The following SERPINB8 variants were observed in gnomAD, a reference collection of about 807,000 sequenced individuals.
The protein encoded by SERPINB8 is serpin family B member 8, also known as serpin B8.
In SERPINB8, 25 loss-of-function variants were observed where a neutral mutation model predicts 35.3. The ratio of observed to expected loss-of-function variants is 0.71; its 90% CI spans 0.52 to 0.99. SERPINB8 has a LOEUF of 0.99. SERPINB8 is among the 50% of genes least tolerant of loss of function. The pLI, the probability that SERPINB8 is intolerant of heterozygous loss-of-function variation, is 0.00. For synonymous variants in SERPINB8, 186 were observed against 160.8 expected, an observed-to-expected ratio of 1.16 and a Z score of -1.19; for missense variants, 484 against 446.5, an observed-to-expected ratio of 1.08 and a Z score of -0.76.
At chr18:64,017,317 C>T (rs2050955181) in intron 7 of SERPINB8, among the ~76,000 whole-genome samples, 1 of 152,110 alleles carries the variant, frequency 6.6e-6, no homozygotes, top group Non-Finnish European at 1.5e-5. Context: ...AATTTTAAAA[C>T]TGCTTTAAAA....
downstream of SERPINB8, among the ~76,000 whole-genome samples, chr18:63,989,734 G>C (rs1364469301): frequency 4.6e-5 from 7 of 152,064 alleles, no homozygotes; most frequent in South Asian, 6.3e-4. Context: ...ACGAGGTAAG[G>C]AGATCGAGAC....
At chr18:63,980,510 A>G (rs1762793140) in intron 3 of SERPINB8, among the ~76,000 whole-genome samples, 1 of 151,228 alleles carries the variant, frequency 6.6e-6, no homozygotes, top group Non-Finnish European at 1.5e-5. Flanking sequence ...TCTTAAAATT[A>G]GTGAACTGAT....
chr18:64,015,247 A>T (rs1422627522), intron 7 of SERPINB8, among the ~76,000 whole-genome samples: 2 of 152,174 alleles, frequency 1.3e-5, no homozygotes, highest in African/African-American at 2.4e-5. Flanking sequence ...AGCCCTGACC[A>T]GGGCTGTCTC....
In SERPINB8 at chr18:63,970,130, A is replaced by AGCGGCGGCG. The variant is rs113130158; in HGVS notation, c.-39_-31dup. The AGCGGCGGCG allele has an allele frequency of 8.3e-4, 287 of 343,994 alleles. 7 individuals are homozygous for AGCGGCGGCG. The highest frequency in any genetic ancestry group is 2.8e-3 in the Middle Eastern group (5 of 1,780). The allele number at this position is 343,994 out of a possible 1,614,324, so 21.3% of individuals were successfully genotyped here. ...ACAAAGGAGGAATAGTCAAAGCAGCAGCGGCGGCGGCGGCGGCGGCAGCAG... is the reference window on the plus strand; with the variant it reads ...ACAAAGGAGGAATAGTCAAAGCAGCAGCGGCGGCGGCGGCGGCGGCGGCGGCGGCAGCAG... On this transcript the variant is annotated 5_prime_UTR_variant, in exon 1 of 7. Coordinates refer to ENST00000397985, the MANE Select transcript of SERPINB8 (RefSeq NM_002640.4).
At chr18:64,013,550 T>C (rs2050935702) in intron 7 of SERPINB8, among the ~76,000 whole-genome samples, 1 of 152,200 alleles carries the variant, frequency 6.6e-6, no homozygotes, top group Non-Finnish European at 1.5e-5. Flanking sequence ...ATTGTCTCCT[T>C]GTGCCATTTC....
intron 7 of SERPINB8, among the ~76,000 whole-genome samples, chr18:64,016,924 ATCT>A (rs1208120441): frequency 6.6e-6 from 1 of 152,170 alleles, no homozygotes; most frequent in Admixed American, 6.5e-5. Flanking sequence ...AGATTTGTAG[ATCT>A]TCTTCTGCCA....
intron 1 of SERPINB8, among the ~76,000 whole-genome samples, chr18:64,001,528 T>C (rs1290831217): frequency 6.6e-6 from 1 of 150,514 alleles, no homozygotes; most frequent in African/African-American, 2.5e-5. Flanking sequence ...TCTGCTCTTG[T>C]TGCCCAGGCT....
chr18:64,003,975 A>G (rs1297665877), intron 1 of SERPINB8, among the ~76,000 whole-genome samples: 2 of 152,182 alleles, frequency 1.3e-5, no homozygotes, highest in Non-Finnish European at 1.5e-5. Context: ...AGAATTAACC[A>G]TTGCACATTT....
chr18:64,008,261 G>A (rs1312624504), downstream of SERPINB8, among the ~76,000 whole-genome samples: 2 of 151,892 alleles, frequency 1.3e-5, no homozygotes, highest in Non-Finnish European at 2.9e-5. Flanking sequence ...TTATTTTTTT[G>A]ACACAGAGTC....
At chr18:64,017,053 G>A (rs528254254) in intron 7 of SERPINB8, among the ~76,000 whole-genome samples, 1 of 152,224 alleles carries the variant, frequency 6.6e-6, no homozygotes, top group Non-Finnish European at 1.5e-5. Context: ...TCTTCCCAAG[G>A]CCTAACTAGC....
chr18:63,988,639 G>A lies in SERPINB8; in HGVS notation c.*1361G>A, dbSNP rs1161148419. The A allele has an allele frequency of 6.6e-6, 1 of 152,144 alleles. No individual in the cohort carries two copies. The highest frequency in any genetic ancestry group is 1.5e-5 in the Non-Finnish European group (1 of 68,032). 9.4% of individuals were successfully genotyped at this position (152,144 alleles called of 1,614,324 possible). A position where few individuals can be genotyped will look rare whatever the true frequency, so the allele number is the denominator to read the frequency against. ...GCCTGCTTTATTATTTCTTTAATGA[G>A]TTGGACTGAACAGTGGTTAATCCTG... On this transcript the variant is annotated 3_prime_UTR_variant, in exon 7 of 7. Coordinates refer to ENST00000397985, the MANE Select transcript of SERPINB8 (RefSeq NM_002640.4).
chr18:63,970,145 GGCGGCAGCA>G lies in SERPINB8; in HGVS notation c.-33_-25del. The G allele has an allele frequency of 2.7e-6, 1 of 368,592 alleles. No individual in the cohort carries two copies. The highest frequency in any genetic ancestry group is 5.3e-6 in the Non-Finnish European group (1 of 187,132). The allele number at this position is 368,592 out of a possible 1,614,324, so 22.8% of individuals were successfully genotyped here. On this transcript the variant is annotated 5_prime_UTR_variant, in exon 1 of 7. Transcript: ENST00000397985. Reference sequence around the variant, plus strand: ...TCAAAGCAGCAGCGGCGGCGGCGGCGGCGGCAGCAGCAGCAGCAGCAGGAGGTGGGGGCC... The same window carrying G: ...TCAAAGCAGCAGCGGCGGCGGCGGCGGCAGCAGCAGCAGGAGGTGGGGGCC...
At chr18:63,980,854 G>A (rs1488245766) in intron 3 of SERPINB8, among the ~76,000 whole-genome samples, 1 of 152,220 alleles carries the variant, frequency 6.6e-6, no homozygotes, top group African/African-American at 2.4e-5. Flanking sequence ...GAGGCTGGGA[G>A]CCAGTTTCCA....
At position 64,017,790 on chromosome 18, in the gene SERPINB8, C is replaced by T. The variant is rs181571932; in HGVS notation, c.*3-1120C>T. Among the ~76,000 whole-genome samples the T allele has an allele frequency of 2.0e-3, 305 of 152,230 alleles. 2 individuals are homozygous for T. The highest frequency in any genetic ancestry group is 7.0e-3 in the African/African-American group (291 of 41,532). ...CACATTGCACACCATCAGCCTCCTA[C>T]CTTCTTTCCAAAAAGGATAAGTAAA... On this transcript the variant is annotated intron_variant, in intron 7 of 7. Coordinates refer to the SERPINB8 transcript ENST00000636430.
At chr18:64,001,135 C>T (rs936552874) in intron 1 of SERPINB8, among the ~76,000 whole-genome samples, 21 of 152,168 alleles carry the variant, frequency 1.4e-4, no homozygotes, top group Admixed American at 1.3e-3. Flanking sequence ...TTACTTTTAA[C>T]CTATTTGTGT....
chr18:64,016,656 G>A (rs2050951917), intron 7 of SERPINB8, among the ~76,000 whole-genome samples: 1 of 152,102 alleles, frequency 6.6e-6, no homozygotes, highest in Non-Finnish European at 1.5e-5. Flanking sequence ...AGTTTATATG[G>A]CTTGCTCAAC....
rs199564122 is a variant in SERPINB8, at chr18:63,995,999, G to A, written c.71-8820G>A. Among the ~76,000 whole-genome samples the A allele has an allele frequency of 3.3e-5, 5 of 152,262 alleles. No individual in the cohort carries two copies. In the East Asian group the frequency reaches 9.7e-4, roughly 29 times the overall value. ...TCAACAGGAAGCAGGTGGTTGCGTA[G>A]GCCATCATGATGGGTGAGGGGTCGG... is the stretch of plus-strand genomic sequence containing the variant. On this transcript the variant is annotated intron_variant, in intron 1 of 1. Transcript: ENST00000493661.
At chr18:63,974,110 G>T (rs28369371) in intron 1 of SERPINB8, among the ~76,000 whole-genome samples, 1 of 152,028 alleles carries the variant, frequency 6.6e-6, no homozygotes, top group Admixed American at 6.5e-5. Context: ...TCTCTGGAAA[G>T]TCTTTCCAGG....
At chr18:63,989,804 G>A (rs536655225), downstream of SERPINB8, among the ~76,000 whole-genome samples, 157 of 150,896 alleles carry the variant, frequency 1.0e-3, 1 homozygote, top group African/African-American at 3.6e-3. Context: ...TTAGCTGGGC[G>A]TAGTGGTGGG....
Sources: gnomAD v4.1 joint callset for allele counts (sites outside exome capture counted in the v4.1 genomes callset) on GRCh38, gnomAD v4.1.1 for gene constraint, MANE v1.5 for transcripts, NCBI Gene and HGNC (gene_info 2026-07-23, HGNC 2026-07-21) for gene names.